The following PCSK2 variants were observed in gnomAD, a reference collection of about 807,000 sequenced individuals.
The protein encoded by PCSK2 is neuroendocrine convertase 2.
A neutral mutation model predicts 69.7 loss-of-function variants in PCSK2; 14 were observed. The observed-to-expected ratio is 0.20, with a 90% CI of 0.13 to 0.31. The LOEUF is 0.31. Among genes scored for constraint, PCSK2 ranks in the 10% least tolerant of loss-of-function variants. The pLI is 1.00. For missense variants in PCSK2, 544 were observed against 842.5 expected (o/e 0.65, Z 4.39); for synonymous variants, 307 against 320.7 (o/e 0.96, Z 0.46).
At chr20:17,396,357 G>A (rs1013201853) in intron 5 of PCSK2, among the ~76,000 whole-genome samples, 3 of 152,174 alleles carry the variant, frequency 2.0e-5, no homozygotes, top group African/African-American at 7.2e-5. Flanking sequence ...TGCAGCTGTG[G>A]TAAGCCCATC....
chr20:17,278,749 A>G (rs1451348518), intron 2 of PCSK2, among the ~76,000 whole-genome samples: 2 of 151,968 alleles, frequency 1.3e-5, no homozygotes, highest in Non-Finnish European at 2.9e-5. Context: ...ATAAATAATA[A>G]TGGCCCTGTA....
At position 17,409,245 on chromosome 20, in the gene PCSK2, A is replaced by G. The variant is rs373851361; in HGVS notation, c.544-18A>G. On this transcript the variant is annotated intron_variant, in intron 5 of 11. Transcript: ENST00000262545. ...CCTCTGGCTGTACGGACCTAATGAG[A>G]TGCCTTGTGTTTTTCAGAATGCCGA... 1.6e-5 allele frequency: 26 copies of G among 1,607,856 alleles called. No homozygotes were observed. Among genetic ancestry groups the G allele is most frequent in the Non-Finnish European group, 2.0e-5 (24 of 1,174,452 alleles).
At chr20:17,439,884 A>G (rs999112671) in intron 8 of PCSK2, among the ~76,000 whole-genome samples, 1 of 152,144 alleles carries the variant, frequency 6.6e-6, no homozygotes, top group African/African-American at 2.4e-5. Flanking sequence ...TCTTTGTGAC[A>G]TTCTGGGCAC....
chr20:17,333,909 G>GTATATATATATATATATATATATA (rs1990269977), intron 2 of PCSK2, among the ~76,000 whole-genome samples: 1 of 42,008 alleles, frequency 2.4e-5, no homozygotes. Flanking sequence ...CTAAGTCACT[G>GTATATATATATATATATATATATA]CATATATATA....
intron 2 of PCSK2, among the ~76,000 whole-genome samples, chr20:17,291,023 C>G (rs1358145195): frequency 6.6e-6 from 1 of 152,104 alleles, no homozygotes; most frequent in Non-Finnish European, 1.5e-5. Context: ...AAAGTTCCCA[C>G]CTCTTAATAT....
chr20:17,334,414 C>T (rs1185193195), intron 2 of PCSK2, among the ~76,000 whole-genome samples: 1 of 152,192 alleles, frequency 6.6e-6, no homozygotes, highest in Non-Finnish European at 1.5e-5. Flanking sequence ...TACCAATTAA[C>T]TTGGGTATGC....
intron 10 of PCSK2, chr20:17,464,371 CTAGTT>C (rs2033063820): frequency 7.8e-6 from 1 of 127,518 alleles, no homozygotes; most frequent in South Asian, 2.2e-4. Context: ...TACAAGAAGA[CTAGTT>C]TATTCACTGA....
chr20:17,259,757 C>A (rs1359948792), intron 1 of PCSK2, among the ~76,000 whole-genome samples: 3 of 152,042 alleles, frequency 2.0e-5, no homozygotes, highest in African/African-American at 7.3e-5. Context: ...TAAAAGGCAC[C>A]AAGGGTTCAC....
chr20:17,441,221 T>TTCA (rs963355998), intron 8 of PCSK2, among the ~76,000 whole-genome samples: 4 of 152,214 alleles, frequency 2.6e-5, no homozygotes, highest in African/African-American at 9.7e-5. Flanking sequence ...AGGGAAATTT[T>TTCA]GGCTCAAAAT....
chr20:17,301,791 C>T (rs1365841441), intron 2 of PCSK2, among the ~76,000 whole-genome samples: 5 of 152,004 alleles, frequency 3.3e-5, no homozygotes, highest in Non-Finnish European at 5.9e-5. Context: ...ATTAACCAGG[C>T]GTGGTGGTGC....
rs368164188 is a variant in PCSK2 at position 17,258,104 on chromosome 20, G to T, written c.178-2136G>T. ...GATAGCTTCCAGGCAATTATTTAGG[G>T]ATGGAGCTTTTTAAATAACTCTAAA... is the stretch of plus-strand genomic sequence containing the variant. On this transcript the variant is annotated intron_variant, in intron 1 of 11. Coordinates refer to ENST00000262545, the MANE Select transcript of PCSK2 (RefSeq NM_002594.5). 2.0e-5 allele frequency among the ~76,000 whole-genome samples: 3 copies of T among 152,282 alleles called. No individual in the cohort carries two copies. The East Asian group carries it at 5.8e-4, about 29-fold the overall frequency.
chr20:17,343,634 T>C (rs888000733), intron 2 of PCSK2, among the ~76,000 whole-genome samples: 1 of 152,248 alleles, frequency 6.6e-6, no homozygotes, highest in Non-Finnish European at 1.5e-5. Context: ...AAATGAAAGT[T>C]GTTAATAAGC....
At chr20:17,269,950 A>G (rs993029285) in intron 2 of PCSK2, among the ~76,000 whole-genome samples, 1 of 152,180 alleles carries the variant, frequency 6.6e-6, no homozygotes, top group Admixed American at 6.6e-5. Context: ...CATAGATTTC[A>G]GAAAGATATA....
chr20:17,481,519 C>T, intron 11 of PCSK2, 65 bp from the exon 12 acceptor site: 1 of 1,523,432 alleles, frequency 6.6e-7, no homozygotes. Context: ...TGAAGCTGCC[C>T]TCAAAATCCC....
rs193148193 is a variant in PCSK2 at position 17,259,497 on chromosome 20, G to C, written c.178-743G>C. ...GGTAACAGACCTGAGCCACATCCAG[G>C]CCTCCAAACTCCCAGGTCAAGGCTC... On this transcript the variant is annotated intron_variant, in intron 1 of 11. Transcript: ENST00000262545. 3.3e-5 allele frequency among the ~76,000 whole-genome samples: 5 copies of C among 152,206 alleles called. No individual in the cohort carries two copies. In the East Asian group the frequency reaches 9.7e-4, roughly 29 times the overall value.
At chr20:17,227,594 G>C in intron 1 of PCSK2, 112 bp downstream of exon 1, 1 of 759,826 alleles carries the variant, frequency 1.3e-6, no homozygotes, top group Non-Finnish European at 2.2e-6. Context: ...ATGCGATGCA[G>C]ATATTCTGCC....
intron 1 of PCSK2, among the ~76,000 whole-genome samples, chr20:17,235,312 T>C (rs1017998529): frequency 6.6e-6 from 1 of 152,172 alleles, no homozygotes; most frequent in Admixed American, 6.5e-5. Context: ...TGGCAGTTTC[T>C]CCATTAGAAA....
rs1337326241 is a variant in PCSK2 at position 17,428,026 on chromosome 20, G to GT, written c.621-1408dup. Among the ~76,000 whole-genome samples, 6 of 152,302 alleles carry GT rather than the reference G, an allele frequency of 3.9e-5. No individual in the cohort carries two copies. The East Asian group carries it at 1.2e-3, about 29-fold the overall frequency. On this transcript the variant is annotated intron_variant, in intron 6 of 11. Transcript: ENST00000262545. ...AGAAGGCTTGGTGTTAGGAACAATC[G>GT]TAAGAAACCTCTATTTATGGCTGAT...
intron 2 of PCSK2, among the ~76,000 whole-genome samples, chr20:17,303,272 C>T (rs962331430): frequency 7.3e-6 from 1 of 136,410 alleles, no homozygotes; most frequent in African/African-American, 2.7e-5. Context: ...TTAGTATAAC[C>T]ATATATGTCT....
Sources: allele counts gnomAD v4.1 joint callset (sites outside exome capture counted in the v4.1 genomes callset), GRCh38; gene constraint gnomAD v4.1.1; transcripts MANE v1.5; gene names NCBI Gene and HGNC (gene_info 2026-07-23, HGNC 2026-07-21).